ABCC4: variants seen among roughly 807,000 people sequenced by gnomAD.
The protein encoded by ABCC4 is ATP-binding cassette sub-family C member 4.
ABCC4 carries 102 observed loss-of-function variants against 168.5 expected under a neutral mutation model. The observed-to-expected ratio is 0.61, with a 90% CI of 0.52 to 0.71. The LOEUF (loss-of-function observed/expected upper bound fraction) is 0.71. Ranked by LOEUF, ABCC4 falls within the 30% of genes least tolerant of loss-of-function variation. The probability of loss-of-function intolerance (pLI) is 0.00; values close to 1 mark genes in which losing one functional copy is unlikely to be tolerated. For missense variants in ABCC4, 1,402 were observed against 1,605.8 expected, an observed-to-expected ratio of 0.87 and a Z score of 2.17; for synonymous variants, 617 against 590.7, an observed-to-expected ratio of 1.04 and a Z score of -0.65.
chr13:95,031,664 T>C (rs781421730), intron 30 of ABCC4, among the ~76,000 whole-genome samples: 28 of 152,238 alleles, frequency 1.8e-4, no homozygotes, highest in African/African-American at 5.5e-4. Flanking sequence ...ATTTCAATTC[T>C]ATGACCAATG....
intron 9 of ABCC4, among the ~76,000 whole-genome samples, chr13:95,189,839 T>G (rs1345241211): frequency 6.6e-6 from 1 of 152,204 alleles, no homozygotes; most frequent in Non-Finnish European, 1.5e-5. Context: ...AGGGACAGCA[T>G]AGTAGTTCTA....
chr13:95,073,071 A>C (rs1211708469), intron 24 of ABCC4, 133 bp downstream of exon 24: 1 of 627,444 alleles, frequency 1.6e-6, no homozygotes, highest in Non-Finnish European at 2.7e-6. Context: ...AAACAGATGG[A>C]GGAAGGATCT....
chr13:95,186,639 T>C, intron 11 of ABCC4, 62 bp downstream of exon 11: 1 of 1,471,224 alleles, frequency 6.8e-7, no homozygotes, highest in Non-Finnish European at 9.2e-7. Flanking sequence ...AACCTTGTTG[T>C]TCAAGTGAAC....
intron 1 of ABCC4, among the ~76,000 whole-genome samples, chr13:95,266,900 C>T (rs775250262): frequency 3.6e-5 from 4 of 112,586 alleles, no homozygotes; most frequent in Admixed American, 2.5e-4. Context: ...TTTTTTGAGA[C>T]GGAGTTTCGC....
intron 19 of ABCC4, among the ~76,000 whole-genome samples, chr13:95,127,702 A>C (rs1457952471): frequency 6.6e-6 from 1 of 152,050 alleles, no homozygotes; most frequent in Non-Finnish European, 1.5e-5. Flanking sequence ...CTCAGTGGTG[A>C]TCTCATGCCC....
At chr13:95,029,432 C>T (rs942092574) in intron 30 of ABCC4, among the ~76,000 whole-genome samples, 8 of 152,030 alleles carry the variant, frequency 5.3e-5, no homozygotes, top group African/African-American at 1.9e-4. Flanking sequence ...CTTGTTTATG[C>T]ACAGAATACA....
Position 95,206,645 on chromosome 13 carries a change from G to A in ABCC4, c.1048C>T (p.Arg350Cys), listed in dbSNP as rs532299842. The A allele has an allele frequency of 1.9e-5, 30 of 1,614,104 alleles. No homozygotes were observed. The highest frequency in any genetic ancestry group is 7.7e-5 in the South Asian group (7 of 91,074). The change falls in exon 8 of 31, where the codon CGC (arginine) becomes TGC (cysteine). Residue 350 changes from arginine to cysteine, a missense_variant. Transcript: ENST00000645237. The part of the protein sequence containing the change: ...VLLGSVITAS[R>C]VFVAVTLYGA... ...TACAGCGTCACTGCCACGAACACGC[G>A]GCTGGCTGTGATCACACTGCCGAGG... is the stretch of plus-strand genomic sequence containing the variant.
chr13:95,233,501 T>A (rs184008949), intron 4 of ABCC4, among the ~76,000 whole-genome samples: 4 of 151,946 alleles, frequency 2.6e-5, no homozygotes, highest in Non-Finnish European at 5.9e-5. Context: ...CTACTAGAGT[T>A]GGGAGAGAGG....
intron 20 of ABCC4, among the ~76,000 whole-genome samples, chr13:95,113,410 G>A (rs1306677009): frequency 6.6e-6 from 1 of 152,048 alleles, no homozygotes; most frequent in African/African-American, 2.4e-5. Flanking sequence ...TGGTTGATTG[G>A]GGAAAATGAA....
At chr13:95,257,995 C>A (rs2040435142) in intron 1 of ABCC4, among the ~76,000 whole-genome samples, 1 of 152,212 alleles carries the variant, frequency 6.6e-6, no homozygotes, top group Non-Finnish European at 1.5e-5. Flanking sequence ...TGTGAGCCCA[C>A]ACATGCCTGC....
In ABCC4 at chr13:95,154,564, T is replaced by C. The variant is rs369698059; in HGVS notation, c.2455+6625A>G. Among the ~76,000 whole-genome samples the C allele has an allele frequency of 1.3e-3, 197 of 152,382 alleles. 6 individuals are homozygous for C. In the South Asian group the frequency reaches 0.039, roughly 30 times the overall value. ...TTCCAGCATCACTACTGAATATTTA[T>C]ACTGGTGACGAATGATGACACTGAG... On this transcript the variant is annotated intron_variant, in intron 19 of 30. Coordinates refer to ENST00000645237, the MANE Select transcript of ABCC4 (RefSeq NM_005845.5).
intron 20 of ABCC4, among the ~76,000 whole-genome samples, chr13:95,107,467 A>C (rs182572784): frequency 1.3e-5 from 2 of 152,254 alleles, no homozygotes; most frequent in Admixed American, 6.5e-5. Context: ...AGTACAATGT[A>C]CAATCACCAG....
At chr13:95,080,603 A>T (rs1221381138) in intron 21 of ABCC4, among the ~76,000 whole-genome samples, 1 of 152,134 alleles carries the variant, frequency 6.6e-6, no homozygotes, top group Non-Finnish European at 1.5e-5. Flanking sequence ...CCTCCCAAGT[A>T]GCTGGGATTA....
At chr13:95,187,171 A>G (rs1289954043) in intron 10 of ABCC4, among the ~76,000 whole-genome samples, 1 of 152,228 alleles carries the variant, frequency 6.6e-6, no homozygotes, top group Non-Finnish European at 1.5e-5. Context: ...TACACGGAAC[A>G]AAGATCAACT....
In ABCC4 at chr13:95,205,038, C is replaced by A. The variant is rs114705223; in HGVS notation, c.1161+1494G>T. Among the ~76,000 whole-genome samples the A allele has an allele frequency of 2.7e-3, 416 of 152,328 alleles. 4 individuals are homozygous for A. Among genetic ancestry groups the A allele is most frequent in the African/African-American group, 9.6e-3 (399 of 41,564 alleles). ...TCTGGTCAAAGTATACTCCTAAGTTCTTTCTTTCAAGATGCAAAAGCTACA... is the reference window on the plus strand; with the variant it reads ...TCTGGTCAAAGTATACTCCTAAGTTATTTCTTTCAAGATGCAAAAGCTACA... On this transcript the variant is annotated intron_variant, in intron 8 of 30. Coordinates refer to ENST00000645237, the MANE Select transcript of ABCC4 (RefSeq NM_005845.5).
chr13:95,024,382 T>G (rs2031280330), intron 30 of ABCC4, among the ~76,000 whole-genome samples: 1 of 152,122 alleles, frequency 6.6e-6, no homozygotes, highest in South Asian at 2.1e-4. Context: ...GGAAACCTTG[T>G]CCCTCTTTTC....
At chr13:95,108,602 C>T (rs2035088560) in intron 20 of ABCC4, among the ~76,000 whole-genome samples, 1 of 152,142 alleles carries the variant, frequency 6.6e-6, no homozygotes, top group Admixed American at 6.6e-5. Context: ...GTGAGGCCTC[C>T]CCAGCCACAT....
At chr13:95,158,386 G>A (rs2036949630) in intron 19 of ABCC4, among the ~76,000 whole-genome samples, 1 of 152,288 alleles carries the variant, frequency 6.6e-6, no homozygotes, top group African/African-American at 2.4e-5. Flanking sequence ...CCAGCACAAG[G>A]GCACTGGAGA....
intron 3 of ABCC4, among the ~76,000 whole-genome samples, chr13:95,242,006 G>A (rs1418587124): frequency 6.6e-6 from 1 of 151,898 alleles, no homozygotes. Flanking sequence ...CAACCTCATC[G>A]CCAAGGTCTG....
Sources: gnomAD v4.1 joint callset for allele counts (sites outside exome capture counted in the v4.1 genomes callset) on GRCh38, gnomAD v4.1.1 for gene constraint, MANE v1.5 for transcripts, NCBI Gene and HGNC (gene_info 2026-07-23, HGNC 2026-07-21) for gene names.